Variants in NCAM2 observed in about 807,000 individuals in gnomAD.
The protein encoded by NCAM2 is N-CAM-2.
In NCAM2, 30 loss-of-function variants were observed where a neutral mutation model predicts 98.1. That is an observed-to-expected ratio of 0.31 (90% CI 0.23 to 0.41). The LOEUF (loss-of-function observed/expected upper bound fraction) is 0.41. Ranked by LOEUF, NCAM2 falls within the 10% of genes least tolerant of loss-of-function variation. The pLI is 1.00. For synonymous variants in NCAM2, 368 were observed against 342.4 expected (o/e 1.07, Z -0.83); for missense variants, 867 against 1,005.8 (o/e 0.86, Z 1.87).
At chr21:21,177,237 C>T (rs1433371968) in intron 1 of NCAM2, among the ~76,000 whole-genome samples, 2 of 151,902 alleles carry the variant, frequency 1.3e-5, no homozygotes, top group African/African-American at 4.8e-5. Flanking sequence ...AAATTATATC[C>T]TACAAATAAA....
Position 21,418,478 on chromosome 21 carries a change from A to G in NCAM2, c.1389A>G (p.Ala463=). The part of the protein sequence containing the change: ...STGRKMILEI[A]PTSDNDFGRY... ...TGTTATTATAATTATTTCAGATTGC[A>G]CCTACATCTGACAATGACTTTGGAC... Residue 463 remains alanine, a synonymous_variant, in exon 11 of 18, where the codon GCA becomes GCG. Coordinates refer to ENST00000400546, the MANE Select transcript of NCAM2 (RefSeq NM_004540.5). 6.2e-7 allele frequency: 1 copy of G among 1,600,080 alleles called. No homozygotes were observed. The highest frequency in any genetic ancestry group is 1.1e-5 in the South Asian group (1 of 90,712).
At chr21:21,409,018 T>G (rs2076802573) in intron 9 of NCAM2, among the ~76,000 whole-genome samples, 1 of 152,028 alleles carries the variant, frequency 6.6e-6, no homozygotes, top group African/African-American at 2.4e-5. Flanking sequence ...TTAAATGACT[T>G]AAATTGATAA....
At chr21:21,495,637 C>T (rs541271024) in intron 15 of NCAM2, among the ~76,000 whole-genome samples, 1 of 151,978 alleles carries the variant, frequency 6.6e-6, no homozygotes, top group African/African-American at 2.4e-5. Flanking sequence ...TAACAGCATC[C>T]TTCACCACTA....
chr21:21,364,825 C>A (rs934932574), intron 8 of NCAM2, among the ~76,000 whole-genome samples: 1 of 151,996 alleles, frequency 6.6e-6, no homozygotes, highest in Admixed American at 6.6e-5. Context: ...AACTATGGAA[C>A]TAGTGACAAT....
intron 1 of NCAM2, among the ~76,000 whole-genome samples, chr21:21,079,627 C>T (rs915150197): frequency 6.6e-6 from 1 of 152,010 alleles, no homozygotes; most frequent in Admixed American, 6.6e-5. Flanking sequence ...ATCACTATGA[C>T]ACTCTTGTGT....
intron 1 of NCAM2, among the ~76,000 whole-genome samples, chr21:21,081,089 T>C (rs2065788483): frequency 6.6e-6 from 1 of 152,160 alleles, no homozygotes; most frequent in Non-Finnish European, 1.5e-5. Flanking sequence ...TGGGGTGGGC[T>C]GTCCACGTGC....
At chr21:21,364,078 G>A (rs772194229) in intron 8 of NCAM2, among the ~76,000 whole-genome samples, 1 of 151,966 alleles carries the variant, frequency 6.6e-6, no homozygotes, top group Non-Finnish European at 1.5e-5. Flanking sequence ...ACTCAGTGGA[G>A]TTCATCTATT....
rs558337690 is a variant in NCAM2 at position 21,206,317 on chromosome 21, T to A, written c.56-74261T>A. On this transcript the variant is annotated intron_variant, in intron 1 of 17. Coordinates refer to ENST00000400546, the MANE Select transcript of NCAM2 (RefSeq NM_004540.5). The stretch of plus-strand genomic sequence containing the variant: ...TTACAACATAAAGTTGTGAAAGCTC[T>A]TGAAAACTTCTGTTATCACTTAACT... Among the ~76,000 whole-genome samples, 4 of 152,286 alleles carry A rather than the reference T, an allele frequency of 2.6e-5. No homozygotes were observed. In the East Asian group the frequency reaches 7.7e-4, roughly 29 times the overall value.
intron 1 of NCAM2, among the ~76,000 whole-genome samples, chr21:21,232,221 A>G (rs2070657219): frequency 2.0e-5 from 3 of 151,502 alleles, no homozygotes; most frequent in South Asian, 2.1e-4. Flanking sequence ...CCAGTTATGC[A>G]TGTTTGCATT....
chr21:21,275,849 A>G (rs2072709093), intron 1 of NCAM2, among the ~76,000 whole-genome samples: 1 of 152,298 alleles, frequency 6.6e-6, no homozygotes, highest in South Asian at 2.1e-4. Flanking sequence ...GTGTTTACCA[A>G]ATGCCAATTT....
At chr21:21,486,335 C>T (rs1344726272) in intron 15 of NCAM2, among the ~76,000 whole-genome samples, 1 of 143,914 alleles carries the variant, frequency 6.9e-6, no homozygotes, top group Non-Finnish European at 1.5e-5. Context: ...AAAACTTCTG[C>T]TTCCCTCCTT....
chr21:21,143,339 G>T (rs986674029), intron 1 of NCAM2, among the ~76,000 whole-genome samples: 9 of 152,020 alleles, frequency 5.9e-5, no homozygotes, highest in Admixed American at 4.6e-4. Flanking sequence ...TCTATTTTAG[G>T]TGTTCTTTAT....
intron 1 of NCAM2, among the ~76,000 whole-genome samples, chr21:21,167,855 C>A (rs139271665): frequency 6.8e-4 from 103 of 152,124 alleles, no homozygotes; most frequent in African/African-American, 2.4e-3. Flanking sequence ...CATATAAGTT[C>A]ATGGGTGAAT....
chr21:21,116,245 T>G (rs1013068678), intron 1 of NCAM2, among the ~76,000 whole-genome samples: 7 of 152,072 alleles, frequency 4.6e-5, no homozygotes, highest in Non-Finnish European at 8.8e-5. Context: ...TTAGCATAAT[T>G]GTTTCAATGA....
chr21:21,031,978 T>A (rs1437416583), intron 1 of NCAM2, among the ~76,000 whole-genome samples: 1 of 152,204 alleles, frequency 6.6e-6, no homozygotes, highest in Non-Finnish European at 1.5e-5. Flanking sequence ...GCATGCTACA[T>A]ACAGGAACAT....
chr21:21,474,461 T>C (rs1984883851), intron 14 of NCAM2, among the ~76,000 whole-genome samples: 2 of 152,118 alleles, frequency 1.3e-5, no homozygotes, highest in Admixed American at 1.3e-4. Context: ...TTTGAAGGAT[T>C]ACCTGAAGGA....
At chr21:21,322,444 G>C (rs2074400189) in intron 5 of NCAM2, among the ~76,000 whole-genome samples, 1 of 151,826 alleles carries the variant, frequency 6.6e-6, no homozygotes, top group Non-Finnish European at 1.5e-5. Context: ...TATGTCCCCT[G>C]AATCCAAAAA....
At chr21:21,260,244 A>G (rs1409662740) in intron 1 of NCAM2, among the ~76,000 whole-genome samples, 1 of 152,030 alleles carries the variant, frequency 6.6e-6, no homozygotes, top group Non-Finnish European at 1.5e-5. Context: ...CTGAGATAGA[A>G]GAAAAAGCGA....
At chr21:21,468,617 A>T (rs200699851) in intron 13 of NCAM2, 45 bp from the exon 14 acceptor site, 1 of 1,551,482 alleles carries the variant, frequency 6.4e-7, no homozygotes, top group Admixed American at 1.8e-5. Flanking sequence ...TTATCTAGGT[A>T]TCTGAAATGT....
Sources: allele counts gnomAD v4.1 joint callset (sites outside exome capture counted in the v4.1 genomes callset), GRCh38; gene constraint gnomAD v4.1.1; transcripts MANE v1.5; gene names NCBI Gene and HGNC (gene_info 2026-07-23, HGNC 2026-07-21).